Variants in NUP210 observed in about 807,000 individuals in gnomAD.
The protein encoded by NUP210 is nuclear pore membrane glycoprotein 210.
Under a neutral mutation model 196.0 loss-of-function variants are expected in NUP210, and 151 were observed. That is an observed-to-expected ratio of 0.77 (90% CI 0.67 to 0.88). The LOEUF is 0.88. Among genes scored for constraint, NUP210 ranks in the 40% least tolerant of loss-of-function variants. The probability of loss-of-function intolerance (pLI) is 0.00; values close to 1 mark genes in which losing one functional copy is unlikely to be tolerated. For synonymous variants in NUP210, 1,070 were observed against 1,052.7 expected (o/e 1.02, Z -0.32); for missense variants, 2,314 against 2,493.7 (o/e 0.93, Z 1.53).
chr3:13,402,025 T>C (rs544729882), intron 1 of NUP210, among the ~76,000 whole-genome samples: 6 of 152,110 alleles, frequency 3.9e-5, no homozygotes, highest in African/African-American at 1.4e-4. Context: ...TGAGACGCCA[T>C]CTCTACAAAA....
chr3:13,320,891 C>CAA (rs35758403), intron 36 of NUP210, among the ~76,000 whole-genome samples: 1,664 of 126,810 alleles, frequency 0.013, 16 homozygotes, highest in African/African-American at 0.019. Flanking sequence ...GACTCCATCT[C>CAA]AAAAAAAAAA....
intron 29 of NUP210, among the ~76,000 whole-genome samples, chr3:13,331,124 A>T (rs182685962): frequency 6.6e-6 from 1 of 152,184 alleles, no homozygotes; most frequent in East Asian, 1.9e-4. Context: ...CTCGGCGTTG[A>T]CTTCTTACTT....
intron 33 of NUP210, among the ~76,000 whole-genome samples, chr3:13,324,684 C>T (rs1696673996): frequency 6.6e-6 from 1 of 152,212 alleles, no homozygotes; most frequent in South Asian, 2.1e-4. Context: ...AGTCTCTGGC[C>T]AGTTACCCTG....
intron 3 of NUP210, 103 bp from the exon 4 acceptor site, chr3:13,391,410 A>T (rs1699488344): frequency 2.8e-6 from 2 of 720,444 alleles, no homozygotes; most frequent in Admixed American, 4.1e-5. Context: ...CACACTCCAC[A>T]TCACCACCCA....
chr3:13,412,185 C>T (rs372188970), intron 1 of NUP210, among the ~76,000 whole-genome samples: 1 of 151,424 alleles, frequency 6.6e-6, no homozygotes, highest in East Asian at 1.9e-4. Context: ...TCAGGAGTAG[C>T]TGGGACCACA....
intron 4 of NUP210, among the ~76,000 whole-genome samples, 183 bp from the exon 5 acceptor site, chr3:13,388,636 G>A (rs1699364974): frequency 1.3e-5 from 2 of 152,232 alleles, no homozygotes; most frequent in South Asian, 4.1e-4. Flanking sequence ...CATCAGAACT[G>A]CCAAAGTCCT....
At chr3:13,336,980 G>A in intron 26 of NUP210, 62 bp from the exon 27 acceptor site, 1 of 1,601,138 alleles carries the variant, frequency 6.2e-7, no homozygotes, top group South Asian at 1.1e-5. Flanking sequence ...GCCCCCAGAA[G>A]CTTTGCTGCC....
chr3:13,327,079 G>T, intron 32 of NUP210, 138 bp downstream of exon 32: 2 of 659,790 alleles, frequency 3.0e-6, no homozygotes, highest in Non-Finnish European at 5.1e-6. Context: ...CAGCAGTTTT[G>T]GAGCACTGCT....
rs1174119378 is a variant in NUP210, at chr3:13,353,721, C to T, written c.2522-61G>A. The T allele has an allele frequency of 4.9e-6, 7 of 1,425,382 alleles. No homozygotes were observed. The Admixed American group carries it at 8.4e-5, about 17-fold the overall frequency. 88.3% of individuals were successfully genotyped at this position (1,425,382 alleles called of 1,614,324 possible). On this transcript the variant is annotated intron_variant, in intron 17 of 39. Coordinates refer to ENST00000254508, the MANE Select transcript of NUP210 (RefSeq NM_024923.4). ...CTGCCCATCACCACCCCTGAAGCAGCCCCTCCCTCCTTCTGATTTGCAGTT... is the reference window on the plus strand; with the variant it reads ...CTGCCCATCACCACCCCTGAAGCAGTCCCTCCCTCCTTCTGATTTGCAGTT...
chr3:13,374,637 G>A (rs1383898045), intron 11 of NUP210, among the ~76,000 whole-genome samples: 2 of 152,208 alleles, frequency 1.3e-5, no homozygotes, highest in Admixed American at 1.3e-4. Flanking sequence ...GCTCAGGCTG[G>A]AGTGGGACGA....
At chr3:13,336,683 T>C in intron 27 of NUP210, 104 bp downstream of exon 27, 3 of 1,302,252 alleles carry the variant, frequency 2.3e-6, no homozygotes, top group South Asian at 1.4e-5. Flanking sequence ...GGTGTGAGGG[T>C]GGGGACTTCC....
At chr3:13,369,917 C>G (rs1698671616) in intron 13 of NUP210, among the ~76,000 whole-genome samples, 1 of 152,228 alleles carries the variant, frequency 6.6e-6, no homozygotes, top group Non-Finnish European at 1.5e-5. Flanking sequence ...GGGAGGCCAG[C>G]CTGGGCCAGG....
At position 13,378,935 on chromosome 3, in the gene NUP210, T is replaced by G. The variant is rs1022314086; in HGVS notation, c.1022A>C (p.Tyr341Ser). The G allele has an allele frequency of 2.5e-6, 4 of 1,614,078 alleles. No individual in the cohort carries two copies. Among genetic ancestry groups the G allele is most frequent in the Non-Finnish European group, 3.4e-6 (4 of 1,179,924 alleles). Residue 341 changes from tyrosine to serine, a missense_variant, in exon 8 of 40, where the codon TAC becomes TCC. By Grantham distance (144) the Tyr-to-Ser change is moderately radical (BLOSUM62 -2). Transcript: ENST00000254508. ...ACCTAGGTATCCAGGTTCGACCACG[T>G]AGATAGTGCTGTTGGGTAACCTAGA... ...GASRLPNSTI[Y>S]VVEPGYLGFT...
rs191316624 is a variant in NUP210, at chr3:13,362,344, C to T, written c.1933-1853G>A. ...AATCACCCCTCAAAGGCCTCAGCTCCATTGCTGTGGGGGTCAGCATTTCAA... is the reference window on the plus strand; with the variant it reads ...AATCACCCCTCAAAGGCCTCAGCTCTATTGCTGTGGGGGTCAGCATTTCAA... On this transcript the variant is annotated intron_variant, in intron 14 of 39. Coordinates refer to ENST00000254508, the MANE Select transcript of NUP210 (RefSeq NM_024923.4). Among the ~76,000 whole-genome samples the T allele has an allele frequency of 1.8e-3, 281 of 152,306 alleles. 2 individuals carry two copies. Among genetic ancestry groups the T allele is most frequent in the African/African-American group, 6.4e-3 (267 of 41,566 alleles).
At chr3:13,412,489 T>G (rs1700209759) in intron 1 of NUP210, among the ~76,000 whole-genome samples, 1 of 151,710 alleles carries the variant, frequency 6.6e-6, no homozygotes, top group African/African-American at 2.4e-5. Flanking sequence ...AGAGGAGGGC[T>G]GATCACCTGA....
intron 1 of NUP210, among the ~76,000 whole-genome samples, chr3:13,416,945 C>T (rs1700368529): frequency 6.6e-6 from 1 of 152,194 alleles, no homozygotes; most frequent in South Asian, 2.1e-4. Context: ...TTCGTCTGTT[C>T]TCCCAGTTTT....
chr3:13,420,148 T>TGGCCGCAGCGGCGGAGGGGCC lies in NUP210; in HGVS notation c.58_78dup (p.Gly20_Ala26dup). ...AGCAGCACTTTGGGGATGTTGAGCT[T>TGGCCGCAGCGGCGGAGGGGCC]GGCCGCAGCGGCGGAGGGGCCCGCC... On this transcript the variant is annotated inframe_insertion, in exon 1 of 40. Coordinates refer to ENST00000254508, the MANE Select transcript of NUP210 (RefSeq NM_024923.4). The surrounding 1 kb of genome is among the most constrained non-coding windows in gnomAD (Gnocchi z 4.8). 7.6e-7 allele frequency: 1 copy of TGGCCGCAGCGGCGGAGGGGCC among 1,315,952 alleles called. No individual in the cohort carries two copies. Among genetic ancestry groups the TGGCCGCAGCGGCGGAGGGGCC allele is most frequent in the South Asian group, 1.8e-5 (1 of 55,178 alleles). The allele number at this position is 1,315,952 out of a possible 1,614,324, so 81.5% of individuals were successfully genotyped here.
intron 16 of NUP210, chr3:13,354,319 C>T (rs1698092099): frequency 3.5e-6 from 2 of 575,894 alleles, no homozygotes; most frequent in South Asian, 4.1e-5. Flanking sequence ...CAGACCACAG[C>T]TCTCAGTGGA....
chr3:13,420,163 A>AG lies in NUP210; in HGVS notation c.63dup (p.Ser22LeufsTer23). ...ATGTTGAGCTTGGCCGCAGCGGCGGAGGGGCCCGCCGCCAACAGCACCGAC... is the reference window on the plus strand; with the variant it reads ...ATGTTGAGCTTGGCCGCAGCGGCGGAGGGGGCCCGCCGCCAACAGCACCGAC... On this transcript the variant is annotated frameshift_variant, in exon 1 of 40. Transcript: ENST00000254508. LOFTEE classifies it high-confidence loss of function. This position sits in a 1 kb window ranked among gnomAD's most constrained non-coding sequence, Gnocchi z 4.8. 7.8e-7 allele frequency: 1 copy of AG among 1,285,366 alleles called. No homozygotes were observed. The highest frequency in any genetic ancestry group is 1.0e-6 in the Non-Finnish European group (1 of 998,984). The allele number at this position is 1,285,366 out of a possible 1,614,324, so 79.6% of individuals were successfully genotyped here.
Sources: allele counts gnomAD v4.1 joint callset (sites outside exome capture counted in the v4.1 genomes callset), GRCh38; gene constraint gnomAD v4.1.1; non-coding constraint Gnocchi (gnomAD v3.1); transcripts MANE v1.5; gene names NCBI Gene and HGNC (gene_info 2026-07-23, HGNC 2026-07-21).